APP: variants seen among roughly 807,000 people sequenced by gnomAD.
The protein encoded by APP is amyloid-beta precursor protein.
APP carries 31 observed loss-of-function variants against 101.4 expected under a neutral mutation model. The observed-to-expected ratio is 0.31, with a 90% CI of 0.23 to 0.41. The LOEUF is 0.41. Ranked by LOEUF, APP falls within the 10% of genes least tolerant of loss-of-function variation. The pLI, the probability that APP is intolerant of heterozygous loss-of-function variation, is 1.00. For missense variants in APP, 839 were observed against 1,003.7 expected, an observed-to-expected ratio of 0.84 and a Z score of 2.22; for synonymous variants, 366 against 364.4, an observed-to-expected ratio of 1.00 and a Z score of -0.05.
At chr21:25,923,449 C>T (rs2039722067) in intron 13 of APP, among the ~76,000 whole-genome samples, 1 of 127,734 alleles carries the variant, frequency 7.8e-6, no homozygotes, top group Non-Finnish European at 1.6e-5. Flanking sequence ...AGGCAACCTA[C>T]AACATGGGAG....
Position 25,988,702 on chromosome 21 carries a change from C to CAAAAA in APP, c.1091-6230_1091-6226dup, listed in dbSNP as rs537417600. ...GGGTGATAACAGCGAAACTCTGTCT[C>CAAAAA]AAAAAAAAAAAAAAAAAAAAAGGAG... On this transcript the variant is annotated intron_variant, in intron 8 of 17. Coordinates refer to ENST00000346798, the MANE Select transcript of APP (RefSeq NM_000484.4). Among the ~76,000 whole-genome samples the CAAAAA allele has an allele frequency of 3.2e-4, 20 of 62,360 alleles. 1 individual carries two copies. The highest frequency in any genetic ancestry group is 1.2e-3 in the African/African-American group (18 of 15,590). The allele number at this position is 62,360 out of a possible 152,430, so 40.9% of individuals were successfully genotyped here. A position where few individuals can be genotyped will look rare whatever the true frequency, so the allele number is the denominator to read the frequency against.
chr21:25,915,665 G>A (rs1569050504), intron 13 of APP, among the ~76,000 whole-genome samples: 2 of 152,218 alleles, frequency 1.3e-5, no homozygotes, highest in South Asian at 2.1e-4. Flanking sequence ...CATTTCTCAG[G>A]CAGGGGCAGC....
intron 3 of APP, among the ~76,000 whole-genome samples, chr21:26,084,226 C>CGTTTTTTTTTTTTTTTTTTT (rs2061654933): frequency 9.2e-6 from 1 of 108,508 alleles, no homozygotes. Context: ...AGAAGGGCTC[C>CGTTTTTTTTTTTTTTTTTTT]ATTTTTTTTT....
At chr21:25,969,189 A>C (rs969300551) in intron 11 of APP, among the ~76,000 whole-genome samples, 4 of 151,346 alleles carry the variant, frequency 2.6e-5, no homozygotes, top group Non-Finnish European at 5.9e-5. Context: ...AATACAAAAA[A>C]AAAAAAACAT....
At chr21:25,963,906 G>A (rs1176049791) in intron 11 of APP, among the ~76,000 whole-genome samples, 3 of 152,152 alleles carry the variant, frequency 2.0e-5, no homozygotes, top group Non-Finnish European at 4.4e-5. Context: ...TTTAAGGTGA[G>A]TATAAAAGGG....
At chr21:26,078,153 A>G (rs2061532509) in intron 3 of APP, among the ~76,000 whole-genome samples, 1 of 152,240 alleles carries the variant, frequency 6.6e-6, no homozygotes, top group Non-Finnish European at 1.5e-5. Context: ...TTATTTAATC[A>G]CAAACATCAA....
intron 3 of APP, among the ~76,000 whole-genome samples, chr21:26,077,594 C>G (rs2061521179): frequency 6.6e-6 from 1 of 152,116 alleles, no homozygotes; most frequent in Non-Finnish European, 1.5e-5. Flanking sequence ...ACAGGAAAAT[C>G]TTTAACGCAG....
chr21:25,925,031 G>A (rs1039225661), intron 13 of APP, among the ~76,000 whole-genome samples: 1 of 152,054 alleles, frequency 6.6e-6, no homozygotes, highest in Non-Finnish European at 1.5e-5. Context: ...TTACTTATGT[G>A]CCTGCCTGAA....
At chr21:26,146,025 A>T (rs1264230468) in intron 1 of APP, among the ~76,000 whole-genome samples, 1 of 152,234 alleles carries the variant, frequency 6.6e-6, no homozygotes, top group East Asian at 1.9e-4. Context: ...TTCCTAGATC[A>T]AGGGATATGT....
At chr21:25,927,468 A>G (rs1048343179) in intron 13 of APP, among the ~76,000 whole-genome samples, 2 of 152,222 alleles carry the variant, frequency 1.3e-5, no homozygotes, top group African/African-American at 4.8e-5. Flanking sequence ...TACACATATT[A>G]TCACAAAGTA....
At chr21:25,952,187 T>TACATACACACAC (rs904308577) in intron 13 of APP, among the ~76,000 whole-genome samples, 76 of 111,092 alleles carry the variant, frequency 6.8e-4, no homozygotes, top group Non-Finnish European at 4.0e-4. Context: ...GCATATTACA[T>TACATACACACAC]ACATACACAC....
chr21:25,911,605 T>C, intron 14 of APP, 136 bp downstream of exon 14: 1 of 717,588 alleles, frequency 1.4e-6, no homozygotes, highest in African/African-American at 1.8e-5. Flanking sequence ...AAAATTATAA[T>C]GAAAATATTT....
intron 1 of APP, among the ~76,000 whole-genome samples, chr21:26,146,089 C>G (rs28717708): frequency 6.6e-6 from 1 of 152,146 alleles, no homozygotes; most frequent in Non-Finnish European, 1.5e-5. Flanking sequence ...CTGCATGCAG[C>G]GGCTCATGCC....
At chr21:26,116,963 C>A in intron 1 of APP, among the ~76,000 whole-genome samples, 1 of 152,098 alleles carries the variant, frequency 6.6e-6, no homozygotes, top group African/African-American at 2.4e-5. Context: ...CTCACTGCAA[C>A]CTCTCCGCCT....
At chr21:25,931,019 A>G (rs1201384646) in intron 13 of APP, among the ~76,000 whole-genome samples, 1 of 152,186 alleles carries the variant, frequency 6.6e-6, no homozygotes, top group African/African-American at 2.4e-5. Context: ...AGAAAATCAA[A>G]CCACTTTATC....
chr21:26,055,762 G>A (rs979149154), intron 3 of APP, among the ~76,000 whole-genome samples: 3 of 152,190 alleles, frequency 2.0e-5, no homozygotes, highest in Non-Finnish European at 4.4e-5. Context: ...TGCCTGTCAT[G>A]TACAAATAGG....
At position 26,156,601 on chromosome 21, in the gene APP, C is replaced by T. The variant is rs565791516; in HGVS notation, c.57+13963G>A. ...CCCCAGCTCTGCAATCCAAAGCCAG[C>T]AAAGGTCACCCATTTCAGACTGGGT... On this transcript the variant is annotated intron_variant, in intron 1 of 17. Coordinates refer to ENST00000346798, the MANE Select transcript of APP (RefSeq NM_000484.4). 2.0e-5 allele frequency among the ~76,000 whole-genome samples: 3 copies of T among 152,144 alleles called. No individual in the cohort carries two copies. In the South Asian group the frequency reaches 6.2e-4, roughly 31 times the overall value.
chr21:25,984,234 GA>G (rs1003692564), intron 8 of APP, among the ~76,000 whole-genome samples: 3 of 148,892 alleles, frequency 2.0e-5, no homozygotes, highest in African/African-American at 4.9e-5. Context: ...CAATAATAAA[GA>G]AAAAAAAGAA....
At chr21:25,896,450 G>C (rs1006235628) in intron 16 of APP, among the ~76,000 whole-genome samples, 1 of 151,782 alleles carries the variant, frequency 6.6e-6, no homozygotes, top group Non-Finnish European at 1.5e-5. Context: ...CAAAACAAAA[G>C]AAGTGCCTGA....
Sources: allele counts gnomAD v4.1 joint callset (sites outside exome capture counted in the v4.1 genomes callset), GRCh38; gene constraint gnomAD v4.1.1; transcripts MANE v1.5; gene names NCBI Gene and HGNC (gene_info 2026-07-23, HGNC 2026-07-21).